The following PTPRT variants were observed in gnomAD, a reference collection of about 807,000 sequenced individuals.
PTPRT encodes the protein protein tyrosine phosphatase receptor type T, also known as receptor-type tyrosine-protein phosphatase T.
A neutral mutation model predicts 176.8 loss-of-function variants in PTPRT; 56 were observed. The observed-to-expected ratio is 0.32, with a 90% CI of 0.26 to 0.40. PTPRT has a LOEUF of 0.40. Ranked by LOEUF, PTPRT falls within the 10% of genes least tolerant of loss-of-function variation. The pLI, the probability that PTPRT is intolerant of heterozygous loss-of-function variation, is 1.00. For synonymous variants in PTPRT, 783 were observed against 739.0 expected, an observed-to-expected ratio of 1.06 and a Z score of -0.96; for missense variants, 1,540 against 1,908.2, an observed-to-expected ratio of 0.81 and a Z score of 3.60.
rs79971970 is a variant in PTPRT at position 42,166,022 on chromosome 20, T to G, written c.2492-4480A>C. Among the ~76,000 whole-genome samples, 1,422 of 152,374 alleles carry G rather than the reference T, an allele frequency of 9.3e-3. 25 individuals carry two copies. Among genetic ancestry groups the G allele is most frequent in the African/African-American group, 0.032 (1,326 of 41,584 alleles). The stretch of plus-strand genomic sequence containing the variant: ...AAATTATTAATGCTATATTTTTACA[T>G]TCTTTATTCACACAAAAGCTTTGAA... On this transcript the variant is annotated intron_variant, in intron 16 of 30. Coordinates refer to ENST00000373187, the MANE Select transcript of PTPRT (RefSeq NM_007050.6).
At chr20:42,333,116 CT>C (rs771017407) in intron 11 of PTPRT, among the ~76,000 whole-genome samples, 31 of 151,910 alleles carry the variant, frequency 2.0e-4, no homozygotes, top group African/African-American at 6.8e-4. Flanking sequence ...AATATTCCTC[CT>C]TTTTTTTCCC....
chr20:42,558,392 C>A (rs1304418401), intron 7 of PTPRT, among the ~76,000 whole-genome samples: 2 of 152,110 alleles, frequency 1.3e-5, no homozygotes, highest in South Asian at 2.1e-4. Flanking sequence ...TAGGTTGATT[C>A]CATGTTTTTG....
At chr20:42,470,522 C>A (rs958981644) in intron 8 of PTPRT, among the ~76,000 whole-genome samples, 2 of 152,144 alleles carry the variant, frequency 1.3e-5, no homozygotes, top group African/African-American at 4.8e-5. Flanking sequence ...CAGGAACTAT[C>A]TAAAGCCATC....
intron 1 of PTPRT, among the ~76,000 whole-genome samples, chr20:43,084,738 T>C (rs1167044987): frequency 2.0e-5 from 3 of 152,076 alleles, no homozygotes; most frequent in Non-Finnish European, 2.9e-5. Context: ...AAAATAAGCA[T>C]GTAGATAAGT....
intron 7 of PTPRT, among the ~76,000 whole-genome samples, chr20:42,554,123 C>A (rs955304217): frequency 6.6e-6 from 1 of 152,044 alleles, no homozygotes; most frequent in South Asian, 2.1e-4. Context: ...GAAAAGAGTC[C>A]GTAATTGCCT....
At chr20:42,982,806 C>G (rs1404691457) in intron 1 of PTPRT, among the ~76,000 whole-genome samples, 1 of 152,218 alleles carries the variant, frequency 6.6e-6, no homozygotes, top group South Asian at 2.1e-4. Context: ...CATTGCTGCT[C>G]TTATGACACG....
intron 16 of PTPRT, among the ~76,000 whole-genome samples, chr20:42,184,788 C>T (rs1351782423): frequency 1.5e-4 from 8 of 52,956 alleles, no homozygotes; most frequent in Admixed American, 5.8e-4. Context: ...CCACCACACC[C>T]GGCTAATTTT....
At chr20:42,645,764 A>ATGTG (rs59454108) in intron 7 of PTPRT, among the ~76,000 whole-genome samples, 9,887 of 139,462 alleles carry the variant, frequency 0.071, 410 homozygotes, top group Non-Finnish European at 0.1. Flanking sequence ...ATGTGTATTT[A>ATGTG]TGTGTGTGTG....
intron 7 of PTPRT, among the ~76,000 whole-genome samples, chr20:42,499,099 G>A (rs1047586478): frequency 2.0e-5 from 3 of 152,014 alleles, no homozygotes; most frequent in Admixed American, 6.6e-5. Flanking sequence ...GGCATTTTAA[G>A]GAGATACTCA....
At chr20:42,859,809 G>A (rs764606442) in intron 2 of PTPRT, among the ~76,000 whole-genome samples, 1 of 151,072 alleles carries the variant, frequency 6.6e-6, no homozygotes, top group East Asian at 2.0e-4. Context: ...AGCCAGAATC[G>A]TCTCTATCTC....
At chr20:42,614,103 T>C (rs1018440072) in intron 7 of PTPRT, among the ~76,000 whole-genome samples, 1 of 152,104 alleles carries the variant, frequency 6.6e-6, no homozygotes, top group African/African-American at 2.4e-5. Context: ...AAAGAATCTG[T>C]TCCATGCCTC....
intron 17 of PTPRT, among the ~76,000 whole-genome samples, chr20:42,149,192 G>A (rs1989013500): frequency 6.6e-6 from 1 of 152,184 alleles, no homozygotes; most frequent in Non-Finnish European, 1.5e-5. Context: ...GAGAGCTGGG[G>A]AAGGAATGTT....
At chr20:42,948,398 T>A (rs1054990421) in intron 1 of PTPRT, among the ~76,000 whole-genome samples, 3 of 152,096 alleles carry the variant, frequency 2.0e-5, no homozygotes, top group Non-Finnish European at 4.4e-5. Flanking sequence ...TGGGCACATA[T>A]CTCAGAGTTG....
chr20:42,237,632 A>G (rs1270085673), intron 14 of PTPRT, among the ~76,000 whole-genome samples: 1 of 152,234 alleles, frequency 6.6e-6, no homozygotes, highest in Admixed American at 6.5e-5. Context: ...AGCTTCAAAA[A>G]TCACTGGCTT....
At chr20:42,893,818 A>C (rs1260791817) in intron 1 of PTPRT, among the ~76,000 whole-genome samples, 1 of 151,550 alleles carries the variant, frequency 6.6e-6, no homozygotes, top group Non-Finnish European at 1.5e-5. Flanking sequence ...CAATGAGAAC[A>C]CATGGACACA....
At chr20:42,069,597 T>C (rs1436265125), downstream of PTPRT, among the ~76,000 whole-genome samples, 1 of 152,200 alleles carries the variant, frequency 6.6e-6, no homozygotes, top group African/African-American at 2.4e-5. Context: ...TAATATAACA[T>C]TTATAAAATG....
intron 2 of PTPRT, among the ~76,000 whole-genome samples, chr20:42,792,512 C>A (rs959492474): frequency 1.3e-5 from 2 of 152,048 alleles, no homozygotes; most frequent in African/African-American, 4.8e-5. Flanking sequence ...AGAGCCTAGA[C>A]AAATTAAAGA....
intron 1 of PTPRT, among the ~76,000 whole-genome samples, chr20:43,016,485 C>T (rs1279861363): frequency 6.6e-6 from 1 of 151,298 alleles, no homozygotes; most frequent in Non-Finnish European, 1.5e-5. Flanking sequence ...CACAGCTCTC[C>T]ATGCCTCTGT....
At chr20:42,185,915 C>T (rs555198512) in intron 16 of PTPRT, among the ~76,000 whole-genome samples, 1 of 151,888 alleles carries the variant, frequency 6.6e-6, no homozygotes, top group African/African-American at 2.4e-5. Context: ...CAGTAGTAAA[C>T]AAAAACATGG....
Sources: allele counts gnomAD v4.1 joint callset (sites outside exome capture counted in the v4.1 genomes callset), GRCh38; gene constraint gnomAD v4.1.1; transcripts MANE v1.5; gene names NCBI Gene and HGNC (gene_info 2026-07-23, HGNC 2026-07-21).